The following SLIT3 variants were observed in gnomAD, a reference collection of about 807,000 sequenced individuals.
SLIT3 encodes slit homolog 3 protein.
A neutral mutation model predicts 184.0 loss-of-function variants in SLIT3; 68 were observed. The observed-to-expected ratio is 0.37, with a 90% CI of 0.30 to 0.45. SLIT3 has a LOEUF of 0.45. Ranked by LOEUF, SLIT3 falls within the 20% of genes least tolerant of loss-of-function variation. The probability of loss-of-function intolerance (pLI) is 1.00; values close to 1 mark genes in which losing one functional copy is unlikely to be tolerated. For synonymous variants in SLIT3, 831 were observed against 828.6 expected (o/e 1.00, Z -0.05); for missense variants, 1,707 against 2,026.0 (o/e 0.84, Z 3.02).
At chr5:169,106,268 A>G (rs1012761096) in intron 4 of SLIT3, among the ~76,000 whole-genome samples, 10 of 152,196 alleles carry the variant, frequency 6.6e-5, no homozygotes, top group Admixed American at 5.2e-4. Context: ...GTCCTCTTTC[A>G]AACAGGTGTG....
At chr5:169,079,900 TGAA>T (rs1431932009) in intron 4 of SLIT3, among the ~76,000 whole-genome samples, 1 of 67,038 alleles carries the variant, frequency 1.5e-5, no homozygotes, top group African/African-American at 7.0e-5. Flanking sequence ...AAGGGAAGAG[TGAA>T]GAAGAAGAGG....
intron 6 of SLIT3, among the ~76,000 whole-genome samples, chr5:168,833,601 A>G (rs777253596): frequency 1.3e-5 from 2 of 152,250 alleles, no homozygotes; most frequent in Non-Finnish European, 2.9e-5. Flanking sequence ...TGCTGAATGC[A>G]AAACGTTCCC....
At chr5:169,166,699 G>A (rs1047343933) in intron 4 of SLIT3, among the ~76,000 whole-genome samples, 19 of 152,092 alleles carry the variant, frequency 1.2e-4, no homozygotes, top group African/African-American at 4.1e-4. Flanking sequence ...CCAGTTTCTG[G>A]TTTACTTCAG....
At chr5:169,048,104 C>A (rs1757688997) in intron 4 of SLIT3, among the ~76,000 whole-genome samples, 1 of 152,190 alleles carries the variant, frequency 6.6e-6, no homozygotes, top group South Asian at 2.1e-4. Flanking sequence ...CTTCTGATGC[C>A]CCTTGACTAA....
At chr5:169,127,572 T>C (rs1041827043) in intron 4 of SLIT3, among the ~76,000 whole-genome samples, 2 of 152,206 alleles carry the variant, frequency 1.3e-5, no homozygotes, top group African/African-American at 4.8e-5. Context: ...TGCTTTCAAA[T>C]GGGTTTATCT....
At chr5:168,685,987 A>G in intron 30 of SLIT3, 60 bp from the exon 31 acceptor site, 1 of 1,528,576 alleles carries the variant, frequency 6.5e-7, no homozygotes, top group Non-Finnish European at 8.8e-7. Context: ...AGACAATCAC[A>G]GTTACTCAGG....
At chr5:169,200,933 G>A (rs1191420163) in intron 3 of SLIT3, among the ~76,000 whole-genome samples, 1 of 152,226 alleles carries the variant, frequency 6.6e-6, no homozygotes, top group Non-Finnish European at 1.5e-5. Flanking sequence ...TGTGGGGCAG[G>A]AAAGTCTAAT....
chr5:168,724,521 G>C (rs1422397949), intron 20 of SLIT3, 37 bp from the exon 21 acceptor site: 3 of 1,576,706 alleles, frequency 1.9e-6, no homozygotes, highest in Admixed American at 1.7e-5. Context: ...CTGAGAAAGA[G>C]ACACTGTACA....
intron 3 of SLIT3, among the ~76,000 whole-genome samples, chr5:169,224,812 G>T (rs879286568): frequency 6.6e-6 from 1 of 152,004 alleles, no homozygotes; most frequent in Non-Finnish European, 1.5e-5. Flanking sequence ...TCATCCTCCC[G>T]ATAAGCTGGG....
At chr5:169,221,847 A>T (rs1473964910) in intron 3 of SLIT3, among the ~76,000 whole-genome samples, 1 of 152,184 alleles carries the variant, frequency 6.6e-6, no homozygotes, top group Non-Finnish European at 1.5e-5. Flanking sequence ...CCTCATCCAG[A>T]CAGTCAAGGT....
At chr5:169,235,154 TAA>T (rs1340394397) in intron 3 of SLIT3, among the ~76,000 whole-genome samples, 1 of 152,182 alleles carries the variant, frequency 6.6e-6, no homozygotes, top group Admixed American at 6.5e-5. Context: ...ATTCCTATTA[TAA>T]GTTTGTTAGA....
intron 4 of SLIT3, among the ~76,000 whole-genome samples, chr5:169,178,939 C>T (rs368468990): frequency 8.5e-5 from 13 of 152,208 alleles, no homozygotes; most frequent in South Asian, 6.2e-4. Context: ...ATGTGGGTGA[C>T]GGGCCCATGA....
intron 4 of SLIT3, among the ~76,000 whole-genome samples, chr5:169,080,295 T>A (rs1339455587): frequency 6.6e-6 from 1 of 152,122 alleles, no homozygotes; most frequent in Non-Finnish European, 1.5e-5. Context: ...GGAGAGCGTG[T>A]TTGTCGGTGA....
chr5:168,862,418 T>C (rs565571104), intron 5 of SLIT3, among the ~76,000 whole-genome samples: 61 of 152,298 alleles, frequency 4.0e-4, no homozygotes, highest in African/African-American at 1.3e-3. Context: ...GCCAGGGACA[T>C]CCTGCTAAAG....
intron 24 of SLIT3, 83 bp downstream of exon 24, chr5:168,712,200 A>T: frequency 8.3e-7 from 1 of 1,210,546 alleles, no homozygotes; most frequent in South Asian, 1.2e-5. Context: ...ATCTGCCAAA[A>T]TGCTGACAGT....
chr5:168,692,264 C>G (rs147827900), intron 29 of SLIT3, among the ~76,000 whole-genome samples: 185 of 152,280 alleles, frequency 1.2e-3, no homozygotes, highest in African/African-American at 3.9e-3. Context: ...TTCTTTAGCT[C>G]TAGAAAGGAG....
At chr5:169,126,510 A>G (rs1291206597) in intron 4 of SLIT3, among the ~76,000 whole-genome samples, 1 of 152,224 alleles carries the variant, frequency 6.6e-6, no homozygotes, top group African/African-American at 2.4e-5. Context: ...AAGGGACTTT[A>G]GTGGTGACAT....
At chr5:168,705,548 C>G (rs73322475) in intron 26 of SLIT3, among the ~76,000 whole-genome samples, 2,951 of 152,210 alleles carry the variant, frequency 0.019, 95 homozygotes, top group African/African-American at 0.067. Context: ...ATCACCTTCA[C>G]CATCATCATC....
intron 4 of SLIT3, among the ~76,000 whole-genome samples, chr5:168,898,640 C>T (rs1346393444): frequency 6.6e-6 from 1 of 152,122 alleles, no homozygotes; most frequent in African/African-American, 2.4e-5. Flanking sequence ...ACATAATTGA[C>T]GTTCTGAACT....
Sources: allele counts gnomAD v4.1 joint callset (sites outside exome capture counted in the v4.1 genomes callset), GRCh38; gene constraint gnomAD v4.1.1; transcripts MANE v1.5; gene names NCBI Gene and HGNC (gene_info 2026-07-23, HGNC 2026-07-21).